Variants in SH3BP2 observed in about 807,000 individuals in gnomAD.
The protein encoded by SH3BP2 is SH3 domain-binding protein 2.
A neutral mutation model predicts 56.2 loss-of-function variants in SH3BP2; 38 were observed. The ratio of observed to expected loss-of-function variants is 0.68; its 90% confidence interval spans 0.52 to 0.89. The LOEUF (loss-of-function observed/expected upper bound fraction) is 0.89, where lower values mean the gene tolerates loss of function less well. Among genes scored for constraint, SH3BP2 ranks in the 40% least tolerant of loss-of-function variants. The probability of loss-of-function intolerance (pLI) is 0.00; values close to 1 mark genes in which losing one functional copy is unlikely to be tolerated. For missense variants in SH3BP2, 748 were observed against 762.6 expected (o/e 0.98, Z 0.23); for synonymous variants, 346 against 316.7 (o/e 1.09, Z -0.98).
At chr4:2,796,047 G>A (rs995769713) in intron 1 of SH3BP2, among the ~76,000 whole-genome samples, 6 of 152,184 alleles carry the variant, frequency 3.9e-5, no homozygotes, top group Admixed American at 3.3e-4. Context: ...GTGCACGGGA[G>A]GGTAGACAGG....
chr4:2,809,486 C>T (rs1308952677), intron 1 of SH3BP2, among the ~76,000 whole-genome samples: 1 of 152,130 alleles, frequency 6.6e-6, no homozygotes, highest in Non-Finnish European at 1.5e-5. Context: ...CTGAGCCTCT[C>T]CTGAAGGTGG....
At position 2,810,335 on chromosome 4, in the gene SH3BP2, C is replaced by G. The variant is rs1320562341; in HGVS notation, c.-4-10279C>G. ...CTGGACTCCCCCTGTAGCATCACAGCATTGGACCAGGGCTGTGGGGGGAAT... is the reference window on the plus strand; with the variant it reads ...CTGGACTCCCCCTGTAGCATCACAGGATTGGACCAGGGCTGTGGGGGGAAT... On this transcript the variant is annotated intron_variant, in intron 1 of 12. Transcript: ENST00000503393. The surrounding 1 kb of genome is among the most constrained non-coding windows in gnomAD (Gnocchi z 4.2). Among the ~76,000 whole-genome samples, 1 of 151,448 alleles carries G rather than the reference C, an allele frequency of 6.6e-6. No homozygotes were observed. The highest frequency in any genetic ancestry group is 1.5e-5 in the Non-Finnish European group (1 of 67,848).
At chr4:2,832,152 C>T (rs1426167112) in intron 10 of SH3BP2, 174 bp downstream of exon 10, 2 of 968,694 alleles carry the variant, frequency 2.1e-6, no homozygotes, top group East Asian at 2.5e-5. Flanking sequence ...AGCTGGCACC[C>T]TGGCTGGCCA....
At chr4:2,805,380 C>T (rs180862439) in intron 1 of SH3BP2, among the ~76,000 whole-genome samples, 5 of 152,340 alleles carry the variant, frequency 3.3e-5, no homozygotes, top group Non-Finnish European at 7.4e-5. Context: ...TGCCCCCCTC[C>T]TGCAGCCAGG....
At position 2,823,035 on chromosome 4, in the gene SH3BP2, C is replaced by T. The variant is rs750355187; in HGVS notation, c.237C>T (p.Asn79=). 6.2e-7 allele frequency: 1 copy of T among 1,611,012 alleles called. No individual in the cohort carries two copies. The highest frequency in any genetic ancestry group is 1.3e-5 in the African/African-American group (1 of 75,002). The change falls in exon 3 of 13, where the codon AAC becomes AAT. Residue 79 remains asparagine (N), a splice_region_variant and synonymous_variant. Coordinates refer to ENST00000503393, the MANE Select transcript of SH3BP2 (RefSeq NM_001122681.2). ...PQGAFSLSGY[N]RVMRAAEETT... is the part of the protein sequence containing the mutation. ...GCGCCTTCTCCCTGAGTGGCTATAA[C>T]CGGTAAGTGCCCGACCTGCCTGCTG...
Position 2,827,711 on chromosome 4 carries a change from T to C in SH3BP2, c.586+37T>C, listed in dbSNP as rs56064612. 4.1e-3 allele frequency: 6,046 copies of C among 1,479,770 alleles called. 27 individuals carry two copies. The highest frequency in any genetic ancestry group is 5.1e-3 in the Non-Finnish European group (5,520 of 1,079,744). 91.7% of individuals were successfully genotyped at this position (1,479,770 alleles called of 1,614,324 possible). A position where few individuals can be genotyped will look rare whatever the true frequency, so the allele number is the denominator to read the frequency against. On this transcript the variant is annotated intron_variant, in intron 7 of 12. Coordinates refer to ENST00000503393, the MANE Select transcript of SH3BP2 (RefSeq NM_001122681.2). ...GGGTGGGCCCGGGGAGCTCTGGGTGTGTAGGAAGCAGGGGCTGGGACCGGG... is the reference window on the plus strand; with the variant it reads ...GGGTGGGCCCGGGGAGCTCTGGGTGCGTAGGAAGCAGGGGCTGGGACCGGG...
In SH3BP2 at chr4:2,840,684, T is replaced by C. The variant is rs1419668920; in HGVS notation, c.*6850T>C. ...TCTTGACTATTCTGGCTCTTTGTAT[T>C]TTCATGTAAGGTTTTTCTCCCATAT... On this transcript the variant is annotated 3_prime_UTR_variant, in exon 13 of 13. Transcript: ENST00000503393. 1 of 152,214 alleles carries C rather than the reference T, an allele frequency of 6.6e-6. No homozygotes were observed. Among genetic ancestry groups the C allele is most frequent in the Non-Finnish European group, 1.5e-5 (1 of 68,032 alleles). 9.4% of individuals were successfully genotyped at this position (152,214 alleles called of 1,614,324 possible).
intron 8 of SH3BP2, among the ~76,000 whole-genome samples, chr4:2,830,490 T>G (rs1724925846): frequency 6.6e-6 from 1 of 152,220 alleles, no homozygotes. Context: ...GCCTCCCAAG[T>G]AGCTGGGACT....
At chr4:2,813,342 G>A (rs905931844) in intron 1 of SH3BP2, among the ~76,000 whole-genome samples, 5 of 152,210 alleles carry the variant, frequency 3.3e-5, no homozygotes, top group African/African-American at 1.2e-4. Flanking sequence ...AAGTTTCTTC[G>A]TCAGTGACTT....
At chr4:2,816,617 T>C (rs1214638985) in intron 1 of SH3BP2, among the ~76,000 whole-genome samples, 1 of 152,256 alleles carries the variant, frequency 6.6e-6, no homozygotes, top group Admixed American at 6.5e-5. Flanking sequence ...GAACTTCCCT[T>C]CTATTCCTGG....
rs1365019639 is a variant in SH3BP2 at position 2,810,413 on chromosome 4, T to C, written c.-4-10201T>C. ...TCTGCTTGCTTCTGCCTCTGCCGAGTCTATGAGTGTGGGGCTTTTGGCGGA... is the reference window on the plus strand; with the variant it reads ...TCTGCTTGCTTCTGCCTCTGCCGAGCCTATGAGTGTGGGGCTTTTGGCGGA... On this transcript the variant is annotated intron_variant, in intron 1 of 12. Coordinates refer to ENST00000503393, the MANE Select transcript of SH3BP2 (RefSeq NM_001122681.2). This position sits in a 1 kb window ranked among gnomAD's most constrained non-coding sequence, Gnocchi z 4.2. Among the ~76,000 whole-genome samples the C allele has an allele frequency of 6.6e-6, 1 of 151,076 alleles. No individual in the cohort carries two copies. The highest frequency in any genetic ancestry group is 1.5e-5 in the Non-Finnish European group (1 of 67,796).
intron 12 of SH3BP2, 120 bp downstream of exon 12, chr4:2,833,169 G>T: frequency 1.2e-6 from 1 of 868,240 alleles, no homozygotes; most frequent in Non-Finnish European, 1.9e-6. Context: ...CCAGGATACC[G>T]CCCTCCCCTT....
At chr4:2,832,857 G>A (rs1006477321) in intron 11 of SH3BP2, 133 bp from the exon 12 acceptor site, 5 of 882,008 alleles carry the variant, frequency 5.7e-6, no homozygotes, top group African/African-American at 1.6e-5. Flanking sequence ...GTGGTCTGGA[G>A]TCCCTCCCCG....
chr4:2,826,963 G>A, intron 5 of SH3BP2: 1 of 639,734 alleles, frequency 1.6e-6, no homozygotes, highest in Non-Finnish European at 2.9e-6. Context: ...GTGCACGTGT[G>A]CATTTGTGTG....
chr4:2,810,586 G>A lies in SH3BP2; in HGVS notation c.-4-10028G>A, dbSNP rs1723707141. Among the ~76,000 whole-genome samples, 9 of 151,906 alleles carry A rather than the reference G, an allele frequency of 5.9e-5. No homozygotes were observed. Among genetic ancestry groups the A allele is most frequent in the African/African-American group, 2.4e-5 (1 of 41,342 alleles). On this transcript the variant is annotated intron_variant, in intron 1 of 12. Transcript: ENST00000503393. This position sits in a 1 kb window ranked among gnomAD's most constrained non-coding sequence, Gnocchi z 4.2. ...CATGGGTTGTCATCCCTGAAGCTGT[G>A]CGTTGGCCACCTCATTGCCTGTGGA...
chr4:2,828,160 G>A (rs1724778377), intron 7 of SH3BP2, among the ~76,000 whole-genome samples: 1 of 152,092 alleles, frequency 6.6e-6, no homozygotes, highest in African/African-American at 2.4e-5. Flanking sequence ...AGCACGAGCT[G>A]GGTGGGGAGG....
chr4:2,816,787 C>T (rs2108719891), intron 1 of SH3BP2, among the ~76,000 whole-genome samples: 1 of 152,370 alleles, frequency 6.6e-6, no homozygotes, highest in South Asian at 2.1e-4. Context: ...ATAAATCCCA[C>T]ATGGTCTTGG....
rs2108747742 is a variant in SH3BP2, at chr4:2,839,206, C to G, written c.*5372C>G. The stretch of plus-strand genomic sequence containing the variant: ...TTTTTTTCTGAGACAGGGTCTCACT[C>G]TGTTGCCCTGGCTGGAGTGCAGTGG... On this transcript the variant is annotated 3_prime_UTR_variant, in exon 13 of 13. Coordinates refer to ENST00000503393, the MANE Select transcript of SH3BP2 (RefSeq NM_001122681.2). 6.7e-6 allele frequency: 1 copy of G among 149,020 alleles called. No homozygotes were observed. The highest frequency in any genetic ancestry group is 2.5e-5 in the African/African-American group (1 of 40,474). The allele number at this position is 149,020 out of a possible 1,614,324, so 9.2% of individuals were successfully genotyped here. A position where few individuals can be genotyped will look rare whatever the true frequency, so the allele number is the denominator to read the frequency against.
chr4:2,801,503 C>T (rs1723279564), intron 1 of SH3BP2, among the ~76,000 whole-genome samples: 1 of 152,194 alleles, frequency 6.6e-6, no homozygotes, highest in African/African-American at 2.4e-5. Flanking sequence ...CCTGCATCTC[C>T]CTTCCCCTGT....
Sources: allele counts gnomAD v4.1 joint callset (sites outside exome capture counted in the v4.1 genomes callset), GRCh38; gene constraint gnomAD v4.1.1; non-coding constraint Gnocchi (gnomAD v3.1); transcripts MANE v1.5; gene names NCBI Gene and HGNC (gene_info 2026-07-23, HGNC 2026-07-21).